Variants in SLCO6A1 observed in about 807,000 individuals in gnomAD.
The protein encoded by SLCO6A1 is solute carrier organic anion transporter family member 6A1, also known as cancer/testis antigen 48.
In SLCO6A1, 65 loss-of-function variants were observed where a neutral mutation model predicts 72.7. The ratio of observed to expected loss-of-function variants is 0.89; its 90% CI spans 0.73 to 1.10. The LOEUF (loss-of-function observed/expected upper bound fraction) is 1.10. Among genes scored for constraint, SLCO6A1 ranks in the 50% least tolerant of loss-of-function variants. The probability of loss-of-function intolerance (pLI) is 0.00; values close to 1 mark genes in which losing one functional copy is unlikely to be tolerated. For synonymous variants in SLCO6A1, 314 were observed against 298.2 expected, an observed-to-expected ratio of 1.05 and a Z score of -0.55; for missense variants, 874 against 872.6, an observed-to-expected ratio of 1.00 and a Z score of -0.02.
At chr5:102,404,474 C>A (rs1197638204) in intron 9 of SLCO6A1, among the ~76,000 whole-genome samples, 1 of 151,896 alleles carries the variant, frequency 6.6e-6, no homozygotes, top group Non-Finnish European at 1.5e-5. Flanking sequence ...CCACTGTACT[C>A]CAGCCTGGGT....
At chr5:102,427,840 G>GTGTATATATATA (rs1748980248) in intron 7 of SLCO6A1, among the ~76,000 whole-genome samples, 3 of 102,748 alleles carry the variant, frequency 2.9e-5, no homozygotes, top group Admixed American at 1.0e-4. Flanking sequence ...GTGTGTGTAT[G>GTGTATATATATA]TATACATATA....
In SLCO6A1 at chr5:102,498,760, G is replaced by C; in HGVS notation, c.85C>G (p.Pro29Ala). 1 of 1,614,108 alleles carries C rather than the reference G, an allele frequency of 6.2e-7. No homozygotes were observed. The highest frequency in any genetic ancestry group is 1.1e-5 in the South Asian group (1 of 91,082). ...CCCTTGGCCCTCCTGTCCTTAGCAG[G>C]CTGGGCCCGCGCGGCCTCCAGCGGC... ...VEPLEAARAQPAKDRRAKGTP... is the reference protein window; with the variant it reads ...VEPLEAARAQAAKDRRAKGTP... Residue 29 changes from proline (P) to alanine (A), a missense_variant, in exon 1 of 14, where the codon CCT becomes GCT. Transcript: ENST00000506729.
intron 3 of SLCO6A1, among the ~76,000 whole-genome samples, chr5:102,477,424 G>A (rs62371033): frequency 0.26 from 39,334 of 151,906 alleles, 5,298 homozygotes; most frequent in South Asian, 0.34. Context: ...ATGCCTGGCC[G>A]AAAGTACGTA....
At chr5:102,407,649 T>C (rs1747744904) in intron 9 of SLCO6A1, among the ~76,000 whole-genome samples, 1 of 152,188 alleles carries the variant, frequency 6.6e-6, no homozygotes, top group African/African-American at 2.4e-5. Flanking sequence ...GGGCTCCTCT[T>C]GAAATCAGAG....
At chr5:102,438,375 G>C (rs1302656486) in intron 7 of SLCO6A1, among the ~76,000 whole-genome samples, 2 of 152,136 alleles carry the variant, frequency 1.3e-5, no homozygotes, top group South Asian at 4.1e-4. Context: ...CTTCAGAAGA[G>C]TGATTACCTG....
Position 102,391,230 on chromosome 5 carries a change from C to T in SLCO6A1, c.1815-185G>A, listed in dbSNP as rs1168084235. On this transcript the variant is annotated intron_variant, in intron 10 of 13. Transcript: ENST00000506729. Reference sequence around the variant, plus strand: ...CAACTCCCCATTTCTCCATATCCTGCCCCTTGCCAGCCATTTCCAAAGGTC... The same window carrying T: ...CAACTCCCCATTTCTCCATATCCTGTCCCTTGCCAGCCATTTCCAAAGGTC... 2.1e-5 allele frequency: 12 copies of T among 576,640 alleles called. No individual in the cohort carries two copies. In the Admixed American group the frequency reaches 3.9e-4, roughly 19 times the overall value. 35.7% of individuals were successfully genotyped at this position (576,640 alleles called of 1,614,324 possible). A position where few individuals can be genotyped will look rare whatever the true frequency, so the allele number is the denominator to read the frequency against.
chr5:102,394,026 A>G (rs1043828115), intron 10 of SLCO6A1, among the ~76,000 whole-genome samples: 1 of 152,176 alleles, frequency 6.6e-6, no homozygotes, highest in African/African-American at 2.4e-5. Flanking sequence ...ACCTGGGCCT[A>G]GTGCAGATTG....
intron 7 of SLCO6A1, among the ~76,000 whole-genome samples, chr5:102,437,383 AC>A (rs1441517633): frequency 2.6e-5 from 4 of 152,164 alleles, no homozygotes; most frequent in Admixed American, 2.6e-4. Context: ...TTTAAGATAG[AC>A]CTTGATGGCT....
At chr5:102,439,019 C>T (rs918065351) in intron 6 of SLCO6A1, among the ~76,000 whole-genome samples, 6 of 151,910 alleles carry the variant, frequency 3.9e-5, no homozygotes, top group African/African-American at 1.4e-4. Context: ...GCTCTTCATA[C>T]TACTTTAATT....
intron 6 of SLCO6A1, among the ~76,000 whole-genome samples, chr5:102,452,873 T>G (rs545723726): frequency 3.9e-5 from 6 of 152,186 alleles, no homozygotes; most frequent in African/African-American, 1.4e-4. Flanking sequence ...GATTTTCTAG[T>G]TGTCCTTGTG....
At chr5:102,397,881 GTGTT>G (rs1747184617) in intron 10 of SLCO6A1, among the ~76,000 whole-genome samples, 1 of 152,148 alleles carries the variant, frequency 6.6e-6, no homozygotes, top group Non-Finnish European at 1.5e-5. Flanking sequence ...GTCTGTGTGT[GTGTT>G]TTATTCTCTT....
At chr5:102,428,957 CTTG>C (rs1749063051) in intron 7 of SLCO6A1, among the ~76,000 whole-genome samples, 1 of 152,048 alleles carries the variant, frequency 6.6e-6, no homozygotes, top group Non-Finnish European at 1.5e-5. Flanking sequence ...CTCGCCAGCA[CTTG>C]TTATTTTTTG....
At chr5:102,458,271 G>T (rs991247431) in intron 6 of SLCO6A1, 111 bp downstream of exon 6, 5 of 728,288 alleles carry the variant, frequency 6.9e-6, no homozygotes, top group African/African-American at 3.5e-5. Flanking sequence ...GAAAAAAAAA[G>T]TCTCACCCAG....
At position 102,388,690 on chromosome 5, in the gene SLCO6A1, A is replaced by G. The variant is rs1365810698; in HGVS notation, c.2015T>C (p.Ile672Thr). The G allele has an allele frequency of 6.4e-7, 1 of 1,570,200 alleles. No individual in the cohort carries two copies. The highest frequency in any genetic ancestry group is 8.6e-7 in the Non-Finnish European group (1 of 1,159,434). ...KTKMAFLLVG[I>T]CFLCKLCTII... ...GTTTTTTAATAAGTATCACTTACAT[A>G]TTCCTACCAATAAGAAAGCCATTTT... is the stretch of plus-strand genomic sequence containing the variant. Residue 672 changes from isoleucine to threonine, a missense_variant and splice_region_variant, in exon 12 of 14, where the codon ATA becomes ACA. By Grantham distance (89) the Ile-to-Thr change is moderately conservative. Transcript: ENST00000506729.
chr5:102,429,572 A>G (rs990001090), intron 7 of SLCO6A1, among the ~76,000 whole-genome samples: 20 of 152,078 alleles, frequency 1.3e-4, no homozygotes, highest in Admixed American at 1.0e-3. Context: ...TCCTTTCCTC[A>G]TTGCTTGTTT....
At chr5:102,464,727 T>C (rs559702312) in intron 4 of SLCO6A1, among the ~76,000 whole-genome samples, 3 of 152,254 alleles carry the variant, frequency 2.0e-5, no homozygotes, top group South Asian at 2.1e-4. Flanking sequence ...CACCAAGCCA[T>C]TGAGATTCAT....
intron 7 of SLCO6A1, among the ~76,000 whole-genome samples, chr5:102,433,122 G>A (rs894849909): frequency 1.3e-5 from 2 of 152,104 alleles, no homozygotes; most frequent in Non-Finnish European, 2.9e-5. Context: ...TCTCTATCAA[G>A]TCAGTTATGT....
rs188174581 is a variant in SLCO6A1 at position 102,484,797 on chromosome 5, A to G, written c.359-4363T>C. Among the ~76,000 whole-genome samples the G allele has an allele frequency of 2.8e-4, 43 of 152,360 alleles. No homozygotes were observed. The East Asian group carries it at 8.3e-3, about 29-fold the overall frequency. ...TAAAAATAAGATTATTAATAAACACATACTTTAACCAGTTTCTTAGCCATA... is the reference window on the plus strand; with the variant it reads ...TAAAAATAAGATTATTAATAAACACGTACTTTAACCAGTTTCTTAGCCATA... On this transcript the variant is annotated intron_variant, in intron 1 of 13. Coordinates refer to ENST00000506729, the MANE Select transcript of SLCO6A1 (RefSeq NM_173488.5).
At chr5:102,476,176 A>G (rs1465046552) in intron 3 of SLCO6A1, among the ~76,000 whole-genome samples, 2 of 152,098 alleles carry the variant, frequency 1.3e-5, no homozygotes, top group Non-Finnish European at 2.9e-5. Flanking sequence ...TATGTAACCA[A>G]ATACCACCTG....
Sources: allele counts gnomAD v4.1 joint callset (sites outside exome capture counted in the v4.1 genomes callset), GRCh38; gene constraint gnomAD v4.1.1; transcripts MANE v1.5; gene names NCBI Gene and HGNC (gene_info 2026-07-23, HGNC 2026-07-21).